The following SAMMSON variants were observed in gnomAD, a reference collection of about 807,000 sequenced individuals.
The protein encoded by SAMMSON is survival associated mitochondrial melanoma specific oncogenic non-coding RNA.
At chr3:70,138,842 A>G (rs78362729) in intron 4 of SAMMSON, among the ~76,000 whole-genome samples, 4,704 of 152,206 alleles carry the variant, frequency 0.031, 158 homozygotes, top group East Asian at 0.18. Context: ...CCAAAATATA[A>G]TGGTGGGAGA....
At chr3:70,265,997 T>C (rs1043282020) in intron 6 of SAMMSON, among the ~76,000 whole-genome samples, 1 of 152,162 alleles carries the variant, frequency 6.6e-6, no homozygotes, top group Non-Finnish European at 1.5e-5. Context: ...ACATGAGATT[T>C]AGGTTGAGAC....
At chr3:70,185,294 A>G (rs1274481686) in intron 4 of SAMMSON, among the ~76,000 whole-genome samples, 5 of 152,182 alleles carry the variant, frequency 3.3e-5, no homozygotes, top group Admixed American at 2.0e-4. Context: ...TCCCATGGAA[A>G]TAAGAAAAAG....
At chr3:70,232,376 T>C (rs1311306696) in intron 4 of SAMMSON, among the ~76,000 whole-genome samples, 2 of 151,866 alleles carry the variant, frequency 1.3e-5, no homozygotes, top group Non-Finnish European at 2.9e-5. Context: ...CCTCCACTCA[T>C]GTGGCTGGAC....
At chr3:70,429,269 T>A (rs943213006) in intron 2 of SAMMSON, among the ~76,000 whole-genome samples, 5 of 152,180 alleles carry the variant, frequency 3.3e-5, no homozygotes, top group Non-Finnish European at 7.3e-5. Flanking sequence ...AAAGATCAGA[T>A]GGTTGCAGAT....
At chr3:70,215,279 G>C (rs1701395636) in intron 4 of SAMMSON, among the ~76,000 whole-genome samples, 2 of 152,082 alleles carry the variant, frequency 1.3e-5, no homozygotes, top group Non-Finnish European at 1.5e-5. Context: ...GGCAGAGCTA[G>C]TACTTGAACT....
chr3:70,172,386 A>C (rs1282856305), intron 4 of SAMMSON: 1 of 151,448 alleles, frequency 6.6e-6, no homozygotes, highest in East Asian at 2.1e-4. Context: ...AAGAGAAAAC[A>C]AAGCTTCAAT....
intron 7 of SAMMSON, among the ~76,000 whole-genome samples, chr3:70,305,232 G>A (rs947220394): frequency 3.3e-5 from 5 of 150,414 alleles, no homozygotes; most frequent in South Asian, 2.1e-4. Flanking sequence ...TTTTTTTTCC[G>A]TCGGCTATGC....
intron 4 of SAMMSON, among the ~76,000 whole-genome samples, chr3:70,100,515 TGGG>T (rs71620115): frequency 2.7e-5 from 4 of 146,784 alleles, no homozygotes; most frequent in African/African-American, 1.0e-4. Flanking sequence ...CTTGAAAGAG[TGGG>T]GGGGGGGGGG....
chr3:70,261,804 G>T (rs1320456332), intron 6 of SAMMSON, among the ~76,000 whole-genome samples: 2 of 152,130 alleles, frequency 1.3e-5, no homozygotes, highest in Non-Finnish European at 2.9e-5. Context: ...TTTCCTCCCC[G>T]TGGAACCAAG....
intron 9 of SAMMSON, among the ~76,000 whole-genome samples, chr3:70,387,183 T>TA (rs972785180): frequency 6.6e-6 from 1 of 152,080 alleles, no homozygotes; most frequent in African/African-American, 2.4e-5. Context: ...AAACTCTTTT[T>TA]AAAAAGGATT....
chr3:70,320,140 G>T (rs1047651100), intron 7 of SAMMSON, among the ~76,000 whole-genome samples: 1 of 152,040 alleles, frequency 6.6e-6, no homozygotes, highest in Non-Finnish European at 1.5e-5. Flanking sequence ...AACAGGAATA[G>T]GGGTCCTGAT....
intron 3 of SAMMSON, among the ~76,000 whole-genome samples, chr3:70,026,388 C>T (rs1477599054): frequency 6.6e-6 from 1 of 151,936 alleles, no homozygotes; most frequent in Non-Finnish European, 1.5e-5. Flanking sequence ...ACTTTTTCCT[C>T]TGTTTCAGTC....
intron 6 of SAMMSON, among the ~76,000 whole-genome samples, chr3:70,271,383 C>G (rs1450719161): frequency 6.6e-6 from 1 of 152,140 alleles, no homozygotes; most frequent in Non-Finnish European, 1.5e-5. Flanking sequence ...TGGTGGAACT[C>G]CAATGGTTCC....
chr3:70,066,804 G>A (rs1459259018), intron 3 of SAMMSON, among the ~76,000 whole-genome samples: 1 of 152,050 alleles, frequency 6.6e-6, no homozygotes, highest in African/African-American at 2.4e-5. Context: ...TTTACCTTAA[G>A]AACCTGTTGT....
At chr3:70,249,372 T>C (rs1005252007) in intron 5 of SAMMSON, among the ~76,000 whole-genome samples, 3 of 152,160 alleles carry the variant, frequency 2.0e-5, no homozygotes, top group Admixed American at 2.0e-4. Context: ...TCTATCATAT[T>C]GTGCAAATAT....
At chr3:70,066,788 G>A (rs530088773) in intron 3 of SAMMSON, among the ~76,000 whole-genome samples, 12 of 152,174 alleles carry the variant, frequency 7.9e-5, no homozygotes, top group African/African-American at 2.9e-4. Context: ...AGCAGGTAGG[G>A]GCGGCTTTAC....
intron 2 of SAMMSON, among the ~76,000 whole-genome samples, chr3:70,414,760 T>A (rs1470359901): frequency 1.3e-5 from 2 of 152,204 alleles, no homozygotes; most frequent in Non-Finnish European, 2.9e-5. Context: ...GGACCTCATC[T>A]AATTCATTTA....
chr3:70,401,134 C>T (rs1178120888), intron 2 of SAMMSON, among the ~76,000 whole-genome samples: 1 of 152,046 alleles, frequency 6.6e-6, no homozygotes, highest in Non-Finnish European at 1.5e-5. Flanking sequence ...CTTGTTTGCA[C>T]TAGTAATTTA....
rs890687603 is a variant in SAMMSON at position 70,114,710 on chromosome 3, A to G, written n.507+43145A>G. On this transcript the variant is annotated intron_variant and non_coding_transcript_variant, in intron 4 of 9. Coordinates refer to ENST00000642114, the Ensembl canonical transcript of SAMMSON. ...ACTGGGGAAAGATTTTAAAGAAAAC[A>G]TCTTCAACAAAGGCCAAGTAGAGAT... Among the ~76,000 whole-genome samples the G allele has an allele frequency of 3.9e-5, 6 of 152,228 alleles. No individual in the cohort carries two copies. In the East Asian group the frequency reaches 7.7e-4, roughly 20 times the overall value.
Sources: gnomAD v4.1 joint callset for allele counts (sites outside exome capture counted in the v4.1 genomes callset) on GRCh38, gnomAD v4.1.1 for gene constraint, MANE v1.5 for transcripts, NCBI Gene and HGNC (gene_info 2026-07-23, HGNC 2026-07-21) for gene names.